ATP13A3: variants seen among roughly 807,000 people sequenced by gnomAD.
ATP13A3 encodes ATPase 13A3.
ATP13A3 carries 59 observed loss-of-function variants against 158.1 expected under a neutral mutation model. The observed-to-expected ratio is 0.37, with a 90% CI of 0.30 to 0.46. ATP13A3 has a LOEUF of 0.46. Among genes scored for constraint, ATP13A3 ranks in the 20% least tolerant of loss-of-function variants. The pLI, the probability that ATP13A3 is intolerant of heterozygous loss-of-function variation, is 1.00. For synonymous variants in ATP13A3, 491 were observed against 504.3 expected, an observed-to-expected ratio of 0.97 and a Z score of 0.35; for missense variants, 1,166 against 1,525.2, an observed-to-expected ratio of 0.76 and a Z score of 3.92.
intron 8 of ATP13A3, 49 bp from the exon 9 acceptor site, chr3:194,454,441 TACAG>T (rs1560101676): frequency 5.9e-6 from 9 of 1,515,556 alleles, no homozygotes; most frequent in Non-Finnish European, 8.2e-6. Context: ...TTAATGACCA[TACAG>T]ATTGTCCATC....
chr3:194,409,513 C>T (rs922126749), intron 33 of ATP13A3, among the ~76,000 whole-genome samples: 2 of 152,058 alleles, frequency 1.3e-5, no homozygotes, highest in Non-Finnish European at 2.9e-5. Flanking sequence ...TTACCAGACA[C>T]AAGCTAGGCA....
chr3:194,426,757 T>C (rs1716805321), intron 29 of ATP13A3, among the ~76,000 whole-genome samples: 1 of 152,072 alleles, frequency 6.6e-6, no homozygotes, highest in Non-Finnish European at 1.5e-5. Context: ...GCCTCCCAGG[T>C]TCAAGTGATT....
chr3:194,491,971 A>C (rs1167483663), upstream of ATP13A3, among the ~76,000 whole-genome samples: 2 of 152,018 alleles, frequency 1.3e-5, no homozygotes, highest in Non-Finnish European at 2.9e-5. Flanking sequence ...CCTCCAGTGC[A>C]TTATCACACA....
At chr3:194,472,469 C>T (rs1285573027) in intron 2 of ATP13A3, among the ~76,000 whole-genome samples, 1 of 152,162 alleles carries the variant, frequency 6.6e-6, no homozygotes, top group African/African-American at 2.4e-5. Flanking sequence ...TGCTGGTACA[C>T]TCTTTCACCA....
chr3:194,481,133 A>G (rs563067779), intron 2 of ATP13A3, among the ~76,000 whole-genome samples: 245 of 152,272 alleles, frequency 1.6e-3, no homozygotes, highest in Non-Finnish European at 1.8e-3. Context: ...TCAGCTCTTT[A>G]GATCAATCAG....
At chr3:194,484,223 T>C (rs1720875185) in intron 2 of ATP13A3, among the ~76,000 whole-genome samples, 1 of 152,182 alleles carries the variant, frequency 6.6e-6, no homozygotes, top group Non-Finnish European at 1.5e-5. Context: ...GCTTATACTG[T>C]AAGCTCCTTA....
intron 29 of ATP13A3, 64 bp downstream of exon 29, chr3:194,427,011 C>A: frequency 6.6e-7 from 1 of 1,522,316 alleles, no homozygotes; most frequent in South Asian, 1.2e-5. Flanking sequence ...CTTCTAAACT[C>A]ATTTTTATAT....
intron 32 of ATP13A3, among the ~76,000 whole-genome samples, chr3:194,413,469 C>G (rs568035666): frequency 6.6e-6 from 1 of 152,328 alleles, no homozygotes; most frequent in South Asian, 2.1e-4. Context: ...TCATCAGTTT[C>G]ATGGGCCACC....
chr3:194,453,696 A>G lies in ATP13A3; in HGVS notation c.838+10T>C, dbSNP rs1335635451. ...TTTTTGATTTATTCTTCCAACATTC[A>G]ATTACTTACCTTCATTTACTCTACA... is the stretch of plus-strand genomic sequence containing the variant. On this transcript the variant is annotated intron_variant, in intron 10 of 33. Coordinates refer to ENST00000645319, the MANE Select transcript of ATP13A3 (RefSeq NM_001367549.1). 1 of 1,604,336 alleles carries G rather than the reference A, an allele frequency of 6.2e-7. No homozygotes were observed.
intron 28 of ATP13A3, among the ~76,000 whole-genome samples, chr3:194,427,462 G>A (rs1337947233): frequency 6.6e-6 from 1 of 151,794 alleles, no homozygotes; most frequent in African/African-American, 2.4e-5. Context: ...AACGCCTCAG[G>A]AATAATTTTT....
chr3:194,477,200 C>T (rs1296026492), intron 2 of ATP13A3, among the ~76,000 whole-genome samples: 1 of 152,204 alleles, frequency 6.6e-6, no homozygotes, highest in Non-Finnish European at 1.5e-5. Context: ...AGCTACTAAG[C>T]TTTGATTGTC....
upstream of ATP13A3, among the ~76,000 whole-genome samples, chr3:194,491,211 A>G (rs1345461980): frequency 6.6e-6 from 1 of 152,116 alleles, no homozygotes; most frequent in Admixed American, 6.5e-5. Flanking sequence ...ATTCCTCCCT[A>G]TCATTTTCAC....
chr3:194,473,730 T>C (rs948572214), intron 2 of ATP13A3, among the ~76,000 whole-genome samples: 2 of 152,050 alleles, frequency 1.3e-5, no homozygotes, highest in African/African-American at 4.8e-5. Flanking sequence ...GAACAAAACA[T>C]GTATATTGCA....
At chr3:194,414,783 G>C (rs902433252) in intron 31 of ATP13A3, among the ~76,000 whole-genome samples, 2 of 152,138 alleles carry the variant, frequency 1.3e-5, no homozygotes, top group African/African-American at 4.8e-5. Context: ...AGAAGAAAAA[G>C]GGTTGAAGGA....
intron 8 of ATP13A3, among the ~76,000 whole-genome samples, 163 bp from the exon 9 acceptor site, chr3:194,454,555 G>A (rs868228869): frequency 7.2e-5 from 11 of 152,316 alleles, no homozygotes; most frequent in Non-Finnish European, 1.0e-4. Flanking sequence ...CAGGCTGGGC[G>A]CGGTGGCTCA....
chr3:194,449,481 A>T (rs1577067380), intron 11 of ATP13A3, among the ~76,000 whole-genome samples: 1 of 152,286 alleles, frequency 6.6e-6, no homozygotes, highest in African/African-American at 2.4e-5. Flanking sequence ...GGAGTTCACG[A>T]CCAGCCTGGC....
chr3:194,430,245 A>G (rs1280621879), intron 25 of ATP13A3, 28 bp downstream of exon 25: 1 of 1,613,546 alleles, frequency 6.2e-7, no homozygotes. Flanking sequence ...TAAGAACTAT[A>G]AAACTAAATC....
chr3:194,417,034 C>T (rs1715902040), intron 31 of ATP13A3, among the ~76,000 whole-genome samples: 1 of 152,188 alleles, frequency 6.6e-6, no homozygotes, highest in East Asian at 1.9e-4. Flanking sequence ...GAACGAGATA[C>T]TGTTTGTGGG....
intron 2 of ATP13A3, among the ~76,000 whole-genome samples, chr3:194,473,532 G>T (rs1420844927): frequency 6.6e-6 from 1 of 150,798 alleles, no homozygotes; most frequent in East Asian, 1.9e-4. Context: ...ATTGGTCTTA[G>T]GAGTGAATCT....
Sources: gnomAD v4.1 joint callset for allele counts (sites outside exome capture counted in the v4.1 genomes callset) on GRCh38, gnomAD v4.1.1 for gene constraint, MANE v1.5 for transcripts, NCBI Gene and HGNC (gene_info 2026-07-23, HGNC 2026-07-21) for gene names.